Variants in TBX15 observed in about 807,000 individuals in gnomAD.
The protein encoded by TBX15 is T-box transcription factor 15.
A neutral mutation model predicts 53.9 loss-of-function variants in TBX15; 18 were observed. The observed-to-expected ratio is 0.33, with a 90% CI of 0.23 to 0.49. The LOEUF is 0.49. TBX15 is among the 20% of genes least tolerant of loss of function. The pLI is 0.98. For synonymous variants in TBX15, 295 were observed against 278.0 expected, an observed-to-expected ratio of 1.06 and a Z score of -0.61; for missense variants, 692 against 749.5, an observed-to-expected ratio of 0.92 and a Z score of 0.90.
intron 1 of TBX15, 27 bp from the exon 2 acceptor site, chr1:118,931,859 G>A: frequency 6.5e-7 from 1 of 1,550,078 alleles, no homozygotes; most frequent in Non-Finnish European, 8.7e-7. Flanking sequence ...CAAGCCTTAG[G>A]TGAGAAACTG....
Position 118,884,491 on chromosome 1 carries a change from A to T in TBX15, c.*241T>A, listed in dbSNP as rs1557867416. On this transcript the variant is annotated 3_prime_UTR_variant, in exon 8 of 8. Coordinates refer to ENST00000369429, the MANE Select transcript of TBX15 (RefSeq NM_001330677.2). ...ACTCTGGAACAGACAATGCTTTATAAAACTAAGGTCTGGGAAGGCAGAAGA... is the reference window on the plus strand; with the variant it reads ...ACTCTGGAACAGACAATGCTTTATATAACTAAGGTCTGGGAAGGCAGAAGA... 1 of 565,444 alleles carries T rather than the reference A, an allele frequency of 1.8e-6. No homozygotes were observed. 35.0% of individuals were successfully genotyped at this position (565,444 alleles called of 1,614,324 possible).
At chr1:118,910,606 C>G (rs7519460) in intron 6 of TBX15, among the ~76,000 whole-genome samples, 21,995 of 152,096 alleles carry the variant, frequency 0.14, 1,777 homozygotes, top group Middle Eastern at 0.29. Flanking sequence ...CTTATCAGAT[C>G]CTGTGGGTAG....
chr1:118,884,674 G>T lies in TBX15; in HGVS notation c.*58C>A. 2 of 1,588,036 alleles carry T rather than the reference G, an allele frequency of 1.3e-6. No individual in the cohort carries two copies. Among genetic ancestry groups the T allele is most frequent in the South Asian group, 1.1e-5 (1 of 90,242 alleles). ...ACTGGACTCCCAAAGAGGAGGATCT[G>T]ACCACGGAGACTCTGGGGCCTTGAT... On this transcript the variant is annotated 3_prime_UTR_variant, in exon 8 of 8. Transcript: ENST00000369429.
intron 6 of TBX15, chr1:118,901,544 C>T (rs1654630215): frequency 2.5e-6 from 1 of 395,190 alleles, no homozygotes; most frequent in African/African-American, 2.1e-5. Flanking sequence ...TTTATTTAAG[C>T]AGTTAACTCT....
chr1:118,909,252 C>G (rs1462532700), intron 6 of TBX15, among the ~76,000 whole-genome samples: 2 of 152,162 alleles, frequency 1.3e-5, no homozygotes, highest in Admixed American at 6.5e-5. Flanking sequence ...GACCAGAATA[C>G]CATTTTTACT....
chr1:118,951,632 C>A (rs115863587), intron 1 of TBX15, among the ~76,000 whole-genome samples: 1 of 151,622 alleles, frequency 6.6e-6, no homozygotes, highest in African/African-American at 2.4e-5. Flanking sequence ...TTGCCTCATG[C>A]CCTCAGTTGC....
chr1:118,952,688 T>C (rs1656554817), intron 1 of TBX15, among the ~76,000 whole-genome samples: 1 of 152,204 alleles, frequency 6.6e-6, no homozygotes, highest in African/African-American at 2.4e-5. Flanking sequence ...GCATAAAGTA[T>C]GGCTAAACTT....
intron 2 of TBX15, among the ~76,000 whole-genome samples, chr1:118,928,080 G>A (rs1310494549): frequency 1.3e-5 from 2 of 152,130 alleles, no homozygotes; most frequent in Non-Finnish European, 2.9e-5. Flanking sequence ...TTGCAAATAT[G>A]TACTGGTTGG....
chr1:118,987,511 G>A, intron 1 of TBX15, 80 bp downstream of exon 1: 2 of 1,465,304 alleles, frequency 1.4e-6, no homozygotes, highest in Admixed American at 2.2e-5. Flanking sequence ...GCAGGGCCTA[G>A]CTCCTCACCC....
At chr1:118,943,711 G>A (rs1656257900) in intron 1 of TBX15, among the ~76,000 whole-genome samples, 1 of 152,146 alleles carries the variant, frequency 6.6e-6, no homozygotes, top group Admixed American at 6.5e-5. Flanking sequence ...GAAGCTGCAG[G>A]AAGCCCTGAC....
At chr1:118,978,911 G>A (rs962418466) in intron 1 of TBX15, among the ~76,000 whole-genome samples, 3 of 152,196 alleles carry the variant, frequency 2.0e-5, no homozygotes, top group Non-Finnish European at 4.4e-5. Flanking sequence ...GCACTGCTGT[G>A]TTCACAATCT....
intron 1 of TBX15, among the ~76,000 whole-genome samples, chr1:118,949,945 T>C (rs1292621452): frequency 6.6e-6 from 1 of 152,250 alleles, no homozygotes; most frequent in African/African-American, 2.4e-5. Context: ...TCCATAGTTG[T>C]AGCCATCATC....
intron 5 of TBX15, among the ~76,000 whole-genome samples, chr1:118,920,976 A>G (rs61528304): frequency 0.29 from 44,084 of 151,902 alleles, 6,733 homozygotes; most frequent in Non-Finnish European, 0.33. Context: ...GGAGTTCAAG[A>G]CTAGCCTGGG....
At chr1:118,910,845 C>T (rs868257500) in intron 6 of TBX15, among the ~76,000 whole-genome samples, 1 of 152,152 alleles carries the variant, frequency 6.6e-6, no homozygotes, top group Non-Finnish European at 1.5e-5. Flanking sequence ...AGGCTGGCTT[C>T]CTGTTCTCTA....
chr1:118,906,092 C>T (rs1266725587), intron 6 of TBX15, among the ~76,000 whole-genome samples: 1 of 152,152 alleles, frequency 6.6e-6, no homozygotes, highest in Non-Finnish European at 1.5e-5. Flanking sequence ...AAATGGACAA[C>T]TTGGACCACA....
chr1:118,892,666 G>GT (rs149776857), intron 7 of TBX15, among the ~76,000 whole-genome samples: 2,587 of 152,192 alleles, frequency 0.017, 71 homozygotes, highest in African/African-American at 0.06. Context: ...TAATACTCAT[G>GT]TTTTTTCTCC....
intron 1 of TBX15, among the ~76,000 whole-genome samples, chr1:118,977,474 G>A (rs1274603268): frequency 6.6e-6 from 1 of 152,078 alleles, no homozygotes. Flanking sequence ...TGAGGACAAG[G>A]TCATTGGCCT....
At chr1:118,888,071 C>A (rs1654012627) in intron 7 of TBX15, among the ~76,000 whole-genome samples, 1 of 152,162 alleles carries the variant, frequency 6.6e-6, no homozygotes, top group South Asian at 2.1e-4. Context: ...AACTTAAAAT[C>A]CTTTAAGAAA....
At chr1:118,983,446 AG>A (rs1386308586) in intron 1 of TBX15, among the ~76,000 whole-genome samples, 2 of 152,172 alleles carry the variant, frequency 1.3e-5, no homozygotes, top group Non-Finnish European at 2.9e-5. Flanking sequence ...GCGCACCCAA[AG>A]GGCGTCTAAT....
Sources: gnomAD v4.1 joint callset for allele counts (sites outside exome capture counted in the v4.1 genomes callset) on GRCh38, gnomAD v4.1.1 for gene constraint, MANE v1.5 for transcripts, NCBI Gene and HGNC (gene_info 2026-07-23, HGNC 2026-07-21) for gene names.